RAB21: variants seen among roughly 807,000 people sequenced by gnomAD.
RAB21 encodes RAB21, member RAS oncogene family.
In RAB21, 13 loss-of-function variants were observed where a neutral mutation model predicts 33.1. The ratio of observed to expected loss-of-function variants is 0.39; its 90% CI spans 0.26 to 0.62. RAB21 has a LOEUF of 0.62. Ranked by LOEUF, RAB21 falls within the 20% of genes least tolerant of loss-of-function variation. The pLI is 0.48. For synonymous variants in RAB21, 91 were observed against 103.7 expected, an observed-to-expected ratio of 0.88 and a Z score of 0.74; for missense variants, 234 against 279.1, an observed-to-expected ratio of 0.84 and a Z score of 1.15.
chr12:71,777,404 TTAATC>T (rs997789263), intron 4 of RAB21, among the ~76,000 whole-genome samples: 7 of 152,230 alleles, frequency 4.6e-5, no homozygotes, highest in African/African-American at 7.2e-5. Context: ...GTCTAATACT[TTAATC>T]TATGAATACT....
Position 71,782,049 on chromosome 12 carries a change from A to T in RAB21, c.410A>T (p.Glu137Val). ...LCIVGNKIDL[E>V]KERHVSIQEA... ...AAAATAGGTAATAAAATAGACTTGG[A>T]AAAGGAGAGACATGTTTCCATTCAA... Residue 137 changes from glutamate (E) to valine (V), a missense_variant, in exon 5 of 7, where the codon GAA becomes GTA. Transcript: ENST00000261263. The T allele has an allele frequency of 6.2e-7, 1 of 1,605,714 alleles. No homozygotes were observed. The highest frequency in any genetic ancestry group is 1.1e-5 in the South Asian group (1 of 90,628).
At chr12:71,756,991 G>C (rs1882794526) in intron 1 of RAB21, among the ~76,000 whole-genome samples, 1 of 152,086 alleles carries the variant, frequency 6.6e-6, no homozygotes, top group Non-Finnish European at 1.5e-5. Flanking sequence ...TTGAACCCCT[G>C]TCTGACTTCA....
Position 71,755,305 on chromosome 12 carries a change from GC to G in RAB21, c.159+18del. 1 of 1,496,780 alleles carries G rather than the reference GC, an allele frequency of 6.7e-7. No homozygotes were observed. The highest frequency in any genetic ancestry group is 8.9e-7 in the Non-Finnish European group (1 of 1,125,966). The allele number at this position is 1,496,780 out of a possible 1,614,324, so 92.7% of individuals were successfully genotyped here. A position where few individuals can be genotyped will look rare whatever the true frequency, so the allele number is the denominator to read the frequency against. On this transcript the variant is annotated intron_variant, in intron 1 of 6. Coordinates refer to ENST00000261263, the MANE Select transcript of RAB21 (RefSeq NM_014999.4). The stretch of plus-strand genomic sequence containing the variant: ...ACTCTGCAGGTGCGGACCTCGGGGA[GC>G]GGGAGGGGGCGCCTCAGGGCCCCTA...
At position 71,787,986 on chromosome 12, in the gene RAB21, G is replaced by A. The variant is rs1883320417; in HGVS notation, c.*2313G>A. The A allele has an allele frequency of 6.6e-6, 1 of 152,110 alleles. No individual in the cohort carries two copies. The highest frequency in any genetic ancestry group is 1.5e-5 in the Non-Finnish European group (1 of 68,020). 9.4% of individuals were successfully genotyped at this position (152,110 alleles called of 1,614,324 possible). On this transcript the variant is annotated 3_prime_UTR_variant, in exon 7 of 7. Coordinates refer to ENST00000261263, the MANE Select transcript of RAB21 (RefSeq NM_014999.4). ...AGCTTTTCTCATTACAGTGAAATATGTTTTAAAAACTAGAGTAGCTGGGCA... is the reference window on the plus strand; with the variant it reads ...AGCTTTTCTCATTACAGTGAAATATATTTTAAAAACTAGAGTAGCTGGGCA...
At chr12:71,763,097 G>GCA (rs926924426) in intron 1 of RAB21, among the ~76,000 whole-genome samples, 7 of 50,306 alleles carry the variant, frequency 1.4e-4, no homozygotes, top group South Asian at 1.6e-3. Context: ...TATTTATTTT[G>GCA]CACGCACACA....
chr12:71,793,969 CT>C lies in RAB21; in HGVS notation c.*8299del. ...CATGGCTCATGCCTGTAATCCAGCA[CT>C]TTGGGAGGCTGAGGTGGGTGGATGG... On this transcript the variant is annotated 3_prime_UTR_variant, in exon 7 of 7. Transcript: ENST00000261263. 1 of 152,350 alleles carries C rather than the reference CT, an allele frequency of 6.6e-6. No homozygotes were observed. The highest frequency in any genetic ancestry group is 1.9e-4 in the East Asian group (1 of 5,168). The allele number at this position is 152,350 out of a possible 1,614,324, so 9.4% of individuals were successfully genotyped here.
intron 1 of RAB21, among the ~76,000 whole-genome samples, chr12:71,765,747 A>G (rs1292825292): frequency 6.6e-6 from 1 of 152,088 alleles, no homozygotes; most frequent in Non-Finnish European, 1.5e-5. Context: ...GCTTTGTCGA[A>G]GATCAGGTAA....
intron 1 of RAB21, among the ~76,000 whole-genome samples, chr12:71,760,450 A>G (rs1396810176): frequency 6.6e-6 from 1 of 152,206 alleles, no homozygotes; most frequent in Non-Finnish European, 1.5e-5. Flanking sequence ...TAAGAAAGAC[A>G]ATTGGAGTGA....
intron 3 of RAB21, among the ~76,000 whole-genome samples, chr12:71,773,342 T>A (rs1372742001): frequency 1.3e-5 from 2 of 152,156 alleles, no homozygotes; most frequent in African/African-American, 2.4e-5. Context: ...TGGCATCTAG[T>A]GGGTAGGAAG....
Position 71,793,731 on chromosome 12 carries a change from T to C in RAB21, c.*8058T>C, listed in dbSNP as rs1029600458. 4 of 152,250 alleles carry C rather than the reference T, an allele frequency of 2.6e-5. No individual in the cohort carries two copies. Among genetic ancestry groups the C allele is most frequent in the South Asian group, 2.1e-4 (1 of 4,834 alleles). 9.4% of individuals were successfully genotyped at this position (152,250 alleles called of 1,614,324 possible). ...AAAGTAGTGGCATAAGAAATTTATTTATGCGAAAGACATAATTTTGGGTGA... is the reference window on the plus strand; with the variant it reads ...AAAGTAGTGGCATAAGAAATTTATTCATGCGAAAGACATAATTTTGGGTGA... On this transcript the variant is annotated 3_prime_UTR_variant, in exon 7 of 7. Transcript: ENST00000261263.
chr12:71,768,370 C>T (rs139630055), intron 1 of RAB21, among the ~76,000 whole-genome samples: 14 of 152,082 alleles, frequency 9.2e-5, no homozygotes, highest in African/African-American at 2.6e-4. Context: ...TCTGTTTCAC[C>T]TTCTTTGCAC....
chr12:71,758,385 G>A (rs368151394), intron 1 of RAB21, among the ~76,000 whole-genome samples: 167 of 152,214 alleles, frequency 1.1e-3, no homozygotes, highest in African/African-American at 3.3e-3. Context: ...GAGTCTTGGT[G>A]TCTCATATGA....
rs565282949 is a variant in RAB21 at position 71,782,520 on chromosome 12, A to G, written c.447-50A>G. On this transcript the variant is annotated intron_variant, in intron 5 of 6. Transcript: ENST00000261263. ...TTACTATAAAAAAGCAGTTAAGACA[A>G]AATCATGAATAATATTTTACATCAA... is the stretch of plus-strand genomic sequence containing the variant. 7.5e-5 allele frequency: 100 copies of G among 1,334,402 alleles called. No individual in the cohort carries two copies. In the South Asian group the frequency reaches 1.3e-3, roughly 17 times the overall value. The allele number at this position is 1,334,402 out of a possible 1,614,324, so 82.7% of individuals were successfully genotyped here. A position where few individuals can be genotyped will look rare whatever the true frequency, so the allele number is the denominator to read the frequency against.
At chr12:71,764,658 C>A (rs1453562941) in intron 1 of RAB21, among the ~76,000 whole-genome samples, 1 of 152,038 alleles carries the variant, frequency 6.6e-6, no homozygotes, top group Non-Finnish European at 1.5e-5. Flanking sequence ...TTTCTTACAC[C>A]TTTGCATCCT....
intron 1 of RAB21, among the ~76,000 whole-genome samples, chr12:71,768,651 A>G (rs1167510514): frequency 1.3e-5 from 2 of 152,164 alleles, no homozygotes; most frequent in Non-Finnish European, 2.9e-5. Context: ...CTCTTAAAAT[A>G]TAGATCTGTT....
chr12:71,784,198 C>T lies in RAB21; in HGVS notation c.536-1333C>T, dbSNP rs890487384. ...ATTTTAAGGACACCCTCTTTTCTTCCTTCATCTTCTCAAATACGTGTTTTG... is the reference window on the plus strand; with the variant it reads ...ATTTTAAGGACACCCTCTTTTCTTCTTTCATCTTCTCAAATACGTGTTTTG... On this transcript the variant is annotated intron_variant, in intron 6 of 6. Transcript: ENST00000261263. 9.9e-5 allele frequency among the ~76,000 whole-genome samples: 15 copies of T among 152,048 alleles called. No individual in the cohort carries two copies. In the East Asian group the frequency reaches 2.3e-3, roughly 24 times the overall value.
At chr12:71,755,952 C>G (rs1428929502) in intron 1 of RAB21, among the ~76,000 whole-genome samples, 4 of 152,194 alleles carry the variant, frequency 2.6e-5, no homozygotes, top group Non-Finnish European at 4.4e-5. Flanking sequence ...GCTGCTGTTA[C>G]TCAGTTTCTT....
chr12:71,755,226 A>T lies in RAB21; in HGVS notation c.97A>T (p.Thr33Ser). Residue 33 changes from threonine to serine, a missense_variant, in exon 1 of 7, where the codon ACG becomes TCG. Physicochemically the swap from Thr to Ser is moderately conservative, Grantham distance 58. Coordinates refer to ENST00000261263, the MANE Select transcript of RAB21 (RefSeq NM_014999.4). ...VLLGEGCVGK[T>S]SLVLRYCENK... ...GCTGGGGGAAGGCTGCGTGGGGAAG[A>T]CGTCGCTGGTGCTGCGCTACTGCGA... 6.5e-7 allele frequency: 1 copy of T among 1,544,364 alleles called. No homozygotes were observed.
At chr12:71,759,129 C>T (rs984267127) in intron 1 of RAB21, among the ~76,000 whole-genome samples, 6 of 152,142 alleles carry the variant, frequency 3.9e-5, no homozygotes, top group Non-Finnish European at 7.3e-5. Flanking sequence ...ATACTTGACC[C>T]ATTAAGGTTG....
Sources: gnomAD v4.1 joint callset for allele counts (sites outside exome capture counted in the v4.1 genomes callset) on GRCh38, gnomAD v4.1.1 for gene constraint, MANE v1.5 for transcripts, NCBI Gene and HGNC (gene_info 2026-07-23, HGNC 2026-07-21) for gene names.